CDH18: variants seen among roughly 807,000 people sequenced by gnomAD.
CDH18 encodes cadherin 18.
CDH18 carries 31 observed loss-of-function variants against 67.9 expected under a neutral mutation model. The observed-to-expected ratio is 0.46, with a 90% CI of 0.34 to 0.62. The LOEUF (loss-of-function observed/expected upper bound fraction) is 0.62. Ranked by LOEUF, CDH18 falls within the 20% of genes least tolerant of loss-of-function variation. The pLI is 0.01. For missense variants in CDH18, 890 were observed against 975.5 expected, an observed-to-expected ratio of 0.91 and a Z score of 1.17; for synonymous variants, 362 against 347.2, an observed-to-expected ratio of 1.04 and a Z score of -0.48.
intron 7 of CDH18, among the ~76,000 whole-genome samples, chr5:19,582,332 T>C (rs1743403701): frequency 6.6e-6 from 1 of 152,034 alleles, no homozygotes; most frequent in Non-Finnish European, 1.5e-5. Flanking sequence ...TTTCGTCAGA[T>C]CATTAGTTTC....
At chr5:19,845,173 G>A (rs957680605) in intron 2 of CDH18, among the ~76,000 whole-genome samples, 3 of 134,940 alleles carry the variant, frequency 2.2e-5, no homozygotes, top group Non-Finnish European at 5.2e-5. Flanking sequence ...ATAATTCAAA[G>A]AATTAAAAAA....
chr5:19,859,855 C>T (rs1230703742), intron 2 of CDH18, among the ~76,000 whole-genome samples: 3 of 152,110 alleles, frequency 2.0e-5, no homozygotes, highest in South Asian at 4.1e-4. Context: ...TGTCTTGGGC[C>T]ATTGGTCATT....
At chr5:19,729,549 C>T (rs1305942396) in intron 4 of CDH18, among the ~76,000 whole-genome samples, 1 of 152,104 alleles carries the variant, frequency 6.6e-6, no homozygotes, top group Non-Finnish European at 1.5e-5. Context: ...AATGACAGTC[C>T]AGATGCATCT....
intron 2 of CDH18, among the ~76,000 whole-genome samples, chr5:20,180,952 T>A (rs1220133682): frequency 2.0e-5 from 3 of 152,140 alleles, no homozygotes; most frequent in African/African-American, 7.2e-5. Context: ...AGTGAGCTTC[T>A]CCATACTCTC....
intron 10 of CDH18, among the ~76,000 whole-genome samples, chr5:19,510,959 C>T (rs1178034435): frequency 6.6e-6 from 1 of 152,006 alleles, no homozygotes; most frequent in Non-Finnish European, 1.5e-5. Flanking sequence ...TTACAAGCAC[C>T]TGCCACCATG....
At chr5:19,929,773 C>T (rs908027580) in intron 2 of CDH18, among the ~76,000 whole-genome samples, 1 of 151,950 alleles carries the variant, frequency 6.6e-6, no homozygotes, top group African/African-American at 2.4e-5. Flanking sequence ...TAGGCTTTAC[C>T]TCTTATTTGC....
chr5:20,067,104 G>A (rs1743045237), intron 2 of CDH18, among the ~76,000 whole-genome samples: 1 of 151,616 alleles, frequency 6.6e-6, no homozygotes, highest in Non-Finnish European at 1.5e-5. Flanking sequence ...TCACCAATAA[G>A]CCAGAGATTA....
chr5:20,164,995 T>C (rs1736178279), intron 2 of CDH18, among the ~76,000 whole-genome samples: 1 of 152,122 alleles, frequency 6.6e-6, no homozygotes. Flanking sequence ...AATAAATTTG[T>C]TCATAATTTA....
chr5:20,423,612 T>C (rs1343453112), intron 1 of CDH18, among the ~76,000 whole-genome samples: 1 of 150,784 alleles, frequency 6.6e-6, no homozygotes, highest in Admixed American at 6.6e-5. Context: ...ATAACATTCA[T>C]AAAATAAGAA....
In CDH18 at chr5:20,458,636, C is replaced by A. The variant is rs796143334; in HGVS notation, c.-580+116826G>T. ...TTGTCTCAAAAAACAACAACAAGAA[C>A]AACAAAAAACCCATATGTATTCTAT... On this transcript the variant is annotated intron_variant, in intron 1 of 14. Transcript: ENST00000507958. Among the ~76,000 whole-genome samples the A allele has an allele frequency of 6.2e-4, 94 of 151,982 alleles. 1 individual carries two copies. The highest frequency in any genetic ancestry group is 1.9e-3 in the African/African-American group (79 of 41,412).
At chr5:19,633,797 T>C (rs1752735811) in intron 5 of CDH18, among the ~76,000 whole-genome samples, 1 of 152,002 alleles carries the variant, frequency 6.6e-6, no homozygotes, top group Admixed American at 6.6e-5. Context: ...ACCCACCTAA[T>C]TTTTTAGTAT....
rs568345315 is a variant in CDH18 at position 19,491,776 on chromosome 5, T to C, written c.1631-8224A>G. 3.3e-5 allele frequency among the ~76,000 whole-genome samples: 5 copies of C among 151,632 alleles called. No individual in the cohort carries two copies. The South Asian group carries it at 1.0e-3, about 32-fold the overall frequency. On this transcript the variant is annotated intron_variant, in intron 11 of 12. Transcript: ENST00000382275. ...ATAAAGCAACTTATAAATGTTATGA[T>C]CATTTTTAGGAGAATGAATGCTGCA... is the stretch of plus-strand genomic sequence containing the variant.
chr5:20,069,665 C>A (rs1202892881), intron 2 of CDH18, among the ~76,000 whole-genome samples: 1 of 152,114 alleles, frequency 6.6e-6, no homozygotes, highest in East Asian at 1.9e-4. Context: ...CCCACCTCAG[C>A]CTCCAAAAGT....
intron 2 of CDH18, among the ~76,000 whole-genome samples, chr5:20,208,970 T>C (rs1032396361): frequency 1.3e-5 from 2 of 151,966 alleles, no homozygotes; most frequent in South Asian, 2.1e-4. Context: ...AAAGAAGACA[T>C]ACAAGTGGCA....
intron 5 of CDH18, among the ~76,000 whole-genome samples, chr5:19,668,629 T>G (rs1240444861): frequency 6.6e-6 from 1 of 152,080 alleles, no homozygotes; most frequent in Non-Finnish European, 1.5e-5. Flanking sequence ...AAGAGCTCAG[T>G]GTGGTTTAAA....
intron 1 of CDH18, among the ~76,000 whole-genome samples, chr5:20,472,760 C>T (rs531271537): frequency 4.6e-5 from 7 of 152,254 alleles, no homozygotes; most frequent in South Asian, 2.1e-4. Context: ...TATTAATGTA[C>T]TATATTACTC....
intron 2 of CDH18, among the ~76,000 whole-genome samples, chr5:19,925,182 A>G (rs147498367): frequency 1.3e-5 from 2 of 152,320 alleles, no homozygotes; most frequent in African/African-American, 2.4e-5. Context: ...GTAAGTTTAC[A>G]TCACCCATTT....
chr5:20,545,766 T>C lies in CDH18; in HGVS notation c.-580+29696A>G, dbSNP rs1757307874. Among the ~76,000 whole-genome samples, 3 of 152,174 alleles carry C rather than the reference T, an allele frequency of 2.0e-5. No individual in the cohort carries two copies. In the South Asian group the frequency reaches 6.2e-4, roughly 32 times the overall value. On this transcript the variant is annotated intron_variant, in intron 1 of 14. Coordinates refer to the CDH18 transcript ENST00000507958. ...TGATATGCCCTGGAGACATTCCCCA[T>C]TGTCTTGGCTATTAACATTCAGCTC...
chr5:20,425,058 T>G (rs758642453), intron 1 of CDH18, among the ~76,000 whole-genome samples: 6 of 150,644 alleles, frequency 4.0e-5, no homozygotes, highest in Non-Finnish European at 5.9e-5. Context: ...AAAGACTTAG[T>G]CTTAGAGTTA....
Sources: gnomAD v4.1 joint callset for allele counts (sites outside exome capture counted in the v4.1 genomes callset) on GRCh38, gnomAD v4.1.1 for gene constraint, MANE v1.5 for transcripts, NCBI Gene and HGNC (gene_info 2026-07-23, HGNC 2026-07-21) for gene names.